The following CACNA2D1 variants were observed in gnomAD, a reference collection of about 807,000 sequenced individuals.
CACNA2D1 encodes voltage-dependent calcium channel subunit alpha-2/delta-1.
Under a neutral mutation model 171.5 loss-of-function variants are expected in CACNA2D1, and 53 were observed. The observed-to-expected ratio is 0.31, with a 90% CI of 0.25 to 0.39. The LOEUF is 0.39. Among genes scored for constraint, CACNA2D1 ranks in the 10% least tolerant of loss-of-function variants. CACNA2D1 has a pLI of 1.00. For synonymous variants in CACNA2D1, 442 were observed against 443.1 expected (o/e 1.00, Z 0.03); for missense variants, 903 against 1,299.8 (o/e 0.69, Z 4.69).
At chr7:82,439,964 G>A (rs1428608767) in intron 1 of CACNA2D1, among the ~76,000 whole-genome samples, 1 of 151,598 alleles carries the variant, frequency 6.6e-6, no homozygotes, top group Non-Finnish European at 1.5e-5. Flanking sequence ...CACTTATAAT[G>A]CATGGAACAG....
intron 24 of CACNA2D1, among the ~76,000 whole-genome samples, chr7:81,980,630 A>G (rs1399366823): frequency 6.6e-6 from 1 of 152,130 alleles, no homozygotes; most frequent in Admixed American, 6.6e-5. Flanking sequence ...TGGTTACAGA[A>G]CAGAGACAGC....
At chr7:82,008,603 T>G (rs1157295530) in intron 15 of CACNA2D1, among the ~76,000 whole-genome samples, 1 of 152,150 alleles carries the variant, frequency 6.6e-6, no homozygotes, top group East Asian at 1.9e-4. Flanking sequence ...TTTAACAAAA[T>G]CACTCTTTAA....
intron 5 of CACNA2D1, among the ~76,000 whole-genome samples, chr7:82,125,181 AG>A (rs1450872494): frequency 1.3e-5 from 2 of 152,212 alleles, no homozygotes; most frequent in African/African-American, 4.8e-5. Flanking sequence ...CCCAGACAGG[AG>A]AAATTTTGAA....
chr7:82,145,720 A>C (rs1269293074), intron 4 of CACNA2D1, among the ~76,000 whole-genome samples: 1 of 149,342 alleles, frequency 6.7e-6, no homozygotes, highest in Non-Finnish European at 1.5e-5. Context: ...TTTTATATAT[A>C]TATACACACA....
At chr7:82,373,903 A>G (rs1463757510) in intron 1 of CACNA2D1, among the ~76,000 whole-genome samples, 1 of 152,252 alleles carries the variant, frequency 6.6e-6, no homozygotes, top group East Asian at 1.9e-4. Flanking sequence ...AGACAAGTGT[A>G]CGAAAAAAGT....
At chr7:82,161,615 A>G (rs1359763537) in intron 4 of CACNA2D1, among the ~76,000 whole-genome samples, 1 of 152,070 alleles carries the variant, frequency 6.6e-6, no homozygotes, top group East Asian at 1.9e-4. Flanking sequence ...AGCTATATTA[A>G]CTGGAGGAGA....
At chr7:81,956,411 T>C (rs1793355925) in intron 38 of CACNA2D1, among the ~76,000 whole-genome samples, 1 of 152,122 alleles carries the variant, frequency 6.6e-6, no homozygotes, top group Non-Finnish European at 1.5e-5. Context: ...AGCTTTTGAA[T>C]CAAAAGGGAA....
chr7:82,386,725 C>G (rs987103124), intron 1 of CACNA2D1, among the ~76,000 whole-genome samples: 2 of 149,788 alleles, frequency 1.3e-5, no homozygotes, highest in African/African-American at 2.5e-5. Flanking sequence ...AAGAGCAAAA[C>G]TCTGTCTCAA....
intron 18 of CACNA2D1, among the ~76,000 whole-genome samples, chr7:82,002,392 T>A (rs1305959712): frequency 6.6e-6 from 1 of 152,214 alleles, no homozygotes; most frequent in Non-Finnish European, 1.5e-5. Context: ...TACTAAATTC[T>A]GTTTATAAGC....
chr7:82,403,391 G>C (rs1826661577), intron 1 of CACNA2D1, among the ~76,000 whole-genome samples: 1 of 152,108 alleles, frequency 6.6e-6, no homozygotes, highest in African/African-American at 2.4e-5. Context: ...AACTCTTTTT[G>C]GTCGGTTGTA....
chr7:82,187,212 C>G (rs1010566451), intron 3 of CACNA2D1, among the ~76,000 whole-genome samples: 2 of 152,122 alleles, frequency 1.3e-5, no homozygotes, highest in African/African-American at 4.8e-5. Flanking sequence ...AAATCTGTGT[C>G]TCTACCTTCA....
At chr7:82,434,910 G>A (rs552039596) in intron 1 of CACNA2D1, among the ~76,000 whole-genome samples, 1 of 151,344 alleles carries the variant, frequency 6.6e-6, no homozygotes, top group East Asian at 2.0e-4. Flanking sequence ...CCCTTCTTTT[G>A]AAACTCAGTG....
At chr7:82,122,060 T>A (rs1789802649) in intron 5 of CACNA2D1, among the ~76,000 whole-genome samples, 2 of 152,136 alleles carry the variant, frequency 1.3e-5, no homozygotes, top group Non-Finnish European at 2.9e-5. Flanking sequence ...ATTCTACTAA[T>A]AATTATGATG....
At chr7:82,181,912 T>A (rs1797176544) in intron 3 of CACNA2D1, among the ~76,000 whole-genome samples, 1 of 152,172 alleles carries the variant, frequency 6.6e-6, no homozygotes, top group South Asian at 2.1e-4. Flanking sequence ...CAGCATAATA[T>A]ATTATTACAA....
At chr7:82,181,242 C>T (rs555244342) in intron 3 of CACNA2D1, among the ~76,000 whole-genome samples, 1 of 151,970 alleles carries the variant, frequency 6.6e-6, no homozygotes. Flanking sequence ...AAATTTATGA[C>T]ACACCATGTC....
At chr7:82,181,701 G>A (rs367775294) in intron 3 of CACNA2D1, among the ~76,000 whole-genome samples, 43 of 152,248 alleles carry the variant, frequency 2.8e-4, no homozygotes, top group African/African-American at 1.0e-3. Flanking sequence ...GTGTTCTAAA[G>A]CTCTTTTGAA....
Position 82,047,151 on chromosome 7 carries a change from A to G in CACNA2D1, c.880-8916T>C, listed in dbSNP as rs2131280356. Among the ~76,000 whole-genome samples, 3 of 152,252 alleles carry G rather than the reference A, an allele frequency of 2.0e-5. No homozygotes were observed. In the Middle Eastern group the frequency reaches 0.01, roughly 518 times the overall value. On this transcript the variant is annotated intron_variant, in intron 10 of 38. Transcript: ENST00000356860. ...AGTCCACAGCACTTTTCCAACTGGA[A>G]AAATGGGCAGCTTTCTTTCCCACTC...
chr7:82,299,433 G>A (rs1249478464), intron 3 of CACNA2D1, among the ~76,000 whole-genome samples: 1 of 151,950 alleles, frequency 6.6e-6, no homozygotes, highest in African/African-American at 2.4e-5. Flanking sequence ...GGCAGGAGTG[G>A]GCAGATCACT....
intron 3 of CACNA2D1, among the ~76,000 whole-genome samples, chr7:82,329,128 GA>G (rs145907342): frequency 1.3e-3 from 192 of 146,730 alleles, no homozygotes; most frequent in African/African-American, 4.3e-3. Flanking sequence ...AAGAGTTAAA[GA>G]AAAAAAAAAC....
Sources: allele counts gnomAD v4.1 joint callset (sites outside exome capture counted in the v4.1 genomes callset), GRCh38; gene constraint gnomAD v4.1.1; transcripts MANE v1.5; gene names NCBI Gene and HGNC (gene_info 2026-07-23, HGNC 2026-07-21).